The following RSPO1 variants were observed in gnomAD, a reference collection of about 807,000 sequenced individuals.
The protein encoded by RSPO1 is R-spondin 1.
A neutral mutation model predicts 26.0 loss-of-function variants in RSPO1; 18 were observed. That is an observed-to-expected ratio of 0.69 (90% confidence interval 0.48 to 1.03). RSPO1 has a LOEUF of 1.03. Among genes scored for constraint, RSPO1 ranks in the 50% least tolerant of loss-of-function variants. The probability of loss-of-function intolerance (pLI) is 0.00; values close to 1 mark genes in which losing one functional copy is unlikely to be tolerated. For synonymous variants in RSPO1, 133 were observed against 137.4 expected, an observed-to-expected ratio of 0.97 and a Z score of 0.22; for missense variants, 309 against 352.3, an observed-to-expected ratio of 0.88 and a Z score of 0.98.
At chr1:37,633,164 G>A (rs776760494) in intron 1 of RSPO1, among the ~76,000 whole-genome samples, 2 of 152,246 alleles carry the variant, frequency 1.3e-5, no homozygotes, top group Non-Finnish European at 2.9e-5. Flanking sequence ...TTTTACAGGG[G>A]AAGAGACCTG....
intron 3 of RSPO1, among the ~76,000 whole-genome samples, chr1:37,617,069 C>T (rs1644125061): frequency 1.3e-5 from 2 of 152,110 alleles, no homozygotes. Context: ...GTTTTAAGGG[C>T]AAGAGGGATA....
At chr1:37,621,822 G>A (rs528061861) in intron 3 of RSPO1, among the ~76,000 whole-genome samples, 6 of 141,570 alleles carry the variant, frequency 4.2e-5, no homozygotes, top group Non-Finnish European at 9.1e-5. Context: ...TTTTTTAAGA[G>A]ATGAGATCTC....
chr1:37,619,937 C>T (rs997809388), intron 3 of RSPO1, among the ~76,000 whole-genome samples: 27 of 151,918 alleles, frequency 1.8e-4, no homozygotes, highest in Non-Finnish European at 1.2e-4. Flanking sequence ...TTAGTAGAGA[C>T]GGGGTTTCAC....
intron 3 of RSPO1, among the ~76,000 whole-genome samples, chr1:37,628,409 CCTT>C (rs1263896611): frequency 6.6e-6 from 1 of 152,226 alleles, no homozygotes; most frequent in Non-Finnish European, 1.5e-5. Flanking sequence ...TGAGTCCTGG[CCTT>C]GGCTGCTCCC....
In RSPO1 at chr1:37,612,896, C is replaced by G; in HGVS notation, c.651G>C (p.Gln217His). Residue 217 changes from glutamine (Q) to histidine (H), a missense_variant, in exon 7 of 7, where the codon CAG (glutamine) becomes CAC (histidine). Physicochemically the swap from Gln to His is conservative, Grantham distance 24 (BLOSUM62 0). Coordinates refer to ENST00000356545, the MANE Select transcript of RSPO1 (RefSeq NM_001242908.2). The part of the protein sequence containing the change: ...PEGQKRRKGG[Q>H]GRRENANRNL... ...TCCTGTTGGCATTCTCCCGCCGGCC[C>G]TGGCCTCCCTTCCTCCTCTTCTGCC... 1 of 1,614,182 alleles carries G rather than the reference C, an allele frequency of 6.2e-7. No homozygotes were observed. The highest frequency in any genetic ancestry group is 8.5e-7 in the Non-Finnish European group (1 of 1,180,038).
chr1:37,612,609 G>T lies in RSPO1; in HGVS notation c.*146C>A. ...GTTGTATATGTGGACAGGGGTTTGA[G>T]CGTGTGTGTCTTGTGTCTATGTATG... On this transcript the variant is annotated 3_prime_UTR_variant, in exon 7 of 7. Transcript: ENST00000356545. The T allele has an allele frequency of 1.2e-6, 1 of 839,254 alleles. No homozygotes were observed. The highest frequency in any genetic ancestry group is 2.0e-6 in the Non-Finnish European group (1 of 501,816). The allele number at this position is 839,254 out of a possible 1,614,324, so 52.0% of individuals were successfully genotyped here.
chr1:37,617,562 G>C (rs1644134249), intron 3 of RSPO1, among the ~76,000 whole-genome samples: 1 of 144,276 alleles, frequency 6.9e-6, no homozygotes, highest in Non-Finnish European at 1.5e-5. Flanking sequence ...GAGAGGCTGA[G>C]ACAGGAGAAT....
chr1:37,626,029 T>C (rs1644270761), intron 3 of RSPO1, among the ~76,000 whole-genome samples: 1 of 152,116 alleles, frequency 6.6e-6, no homozygotes, highest in Admixed American at 6.5e-5. Flanking sequence ...TCCTCACTTT[T>C]TCTTACCTGG....
In RSPO1 at chr1:37,614,333, T is replaced by C; in HGVS notation, c.287A>G (p.Lys96Arg). The change falls in exon 5 of 7, where the codon AAA (lysine) becomes AGA (arginine). Residue 96 changes from lysine to arginine, a missense_variant and splice_region_variant. By Grantham distance (26) the Lys-to-Arg change is conservative. Coordinates refer to ENST00000356545, the MANE Select transcript of RSPO1 (RefSeq NM_001242908.2). The part of the protein sequence containing the change: ...ARNPDMNKCI[K>R]CKIEHCEACF... ...GGCCTCACAGTGCTCGATCTTGCAT[T>C]CTGAGGAGAGGACAGATTGGGGGCT... 6.2e-7 allele frequency: 1 copy of C among 1,613,618 alleles called. No individual in the cohort carries two copies. Among genetic ancestry groups the C allele is most frequent in the Non-Finnish European group, 8.5e-7 (1 of 1,180,036 alleles).
At chr1:37,616,218 C>T (rs1644109286) in intron 4 of RSPO1, among the ~76,000 whole-genome samples, 1 of 152,064 alleles carries the variant, frequency 6.6e-6, no homozygotes, top group Non-Finnish European at 1.5e-5. Flanking sequence ...GAGGTTGGCA[C>T]TCAGGGCTGT....
chr1:37,622,641 A>G (rs559461385), intron 3 of RSPO1, among the ~76,000 whole-genome samples: 1 of 152,320 alleles, frequency 6.6e-6, no homozygotes, highest in South Asian at 2.1e-4. Flanking sequence ...GGATCCTTGG[A>G]TAGCTGGGAG....
chr1:37,631,086 C>T (rs1166368271), intron 2 of RSPO1, among the ~76,000 whole-genome samples: 1 of 152,150 alleles, frequency 6.6e-6, no homozygotes, highest in Non-Finnish European at 1.5e-5. Context: ...CCTCCCACCC[C>T]CTGTCCTAAT....
intron 2 of RSPO1, among the ~76,000 whole-genome samples, chr1:37,630,885 TCTCTGTAGATGCCAG>T (rs1644350842): frequency 6.6e-6 from 1 of 151,860 alleles, no homozygotes; most frequent in African/African-American, 2.4e-5. Context: ...TAGCACAGAG[TCTCTGTAGATGCCAG>T]GGAGCCATCA....
In RSPO1 at chr1:37,612,894, C is replaced by T. The variant is rs1644047725; in HGVS notation, c.653G>A (p.Gly218Asp). The change falls in exon 7 of 7, where the codon GGC (glycine) becomes GAC (aspartate). Residue 218 changes from glycine (G) to aspartate (D), a missense_variant. Transcript: ENST00000356545. ...EGQKRRKGGQ[G>D]RRENANRNLA... ...GTTCCTGTTGGCATTCTCCCGCCGG[C>T]CCTGGCCTCCCTTCCTCCTCTTCTG... 1 of 1,614,004 alleles carries T rather than the reference C, an allele frequency of 6.2e-7. No homozygotes were observed. The highest frequency in any genetic ancestry group is 1.3e-5 in the African/African-American group (1 of 74,920).
chr1:37,622,354 C>A (rs542878895), intron 3 of RSPO1, among the ~76,000 whole-genome samples: 1 of 152,236 alleles, frequency 6.6e-6, no homozygotes, highest in South Asian at 2.1e-4. Context: ...AAATAGCGCC[C>A]CCTCTTTCAA....
At chr1:37,622,895 G>C (rs10796911) in intron 3 of RSPO1, among the ~76,000 whole-genome samples, 121,936 of 151,966 alleles carry the variant, frequency 0.8, 49,533 homozygotes, top group East Asian at 0.94. Flanking sequence ...AGGAGGGTGA[G>C]AGAGAAAATC....
At chr1:37,616,014 T>A (rs976453877) in intron 4 of RSPO1, among the ~76,000 whole-genome samples, 4 of 152,128 alleles carry the variant, frequency 2.6e-5, no homozygotes, top group Non-Finnish European at 5.9e-5. Context: ...GGGTAGGGTG[T>A]GTGTCTCAGA....
intron 3 of RSPO1, among the ~76,000 whole-genome samples, chr1:37,629,003 C>G (rs1644318480): frequency 6.6e-6 from 1 of 152,238 alleles, no homozygotes; most frequent in South Asian, 2.1e-4. Context: ...CCCTTCGATG[C>G]CACTGTAGCT....
intron 5 of RSPO1, 124 bp from the exon 6 acceptor site, chr1:37,614,016 G>A (rs1025158538): frequency 3.7e-6 from 5 of 1,335,850 alleles, no homozygotes; most frequent in Non-Finnish European, 5.3e-6. Context: ...GAGGCTGCAG[G>A]TATCTTTAGT....
Sources: gnomAD v4.1 joint callset for allele counts (sites outside exome capture counted in the v4.1 genomes callset) on GRCh38, gnomAD v4.1.1 for gene constraint, MANE v1.5 for transcripts, NCBI Gene and HGNC (gene_info 2026-07-23, HGNC 2026-07-21) for gene names.